ADGRL3: variants seen among roughly 807,000 people sequenced by gnomAD.
The protein encoded by ADGRL3 is adhesion G protein-coupled receptor L3, also known as calcium-independent alpha-latrotoxin receptor 3.
ADGRL3 carries 62 observed loss-of-function variants against 153.5 expected under a neutral mutation model. The ratio of observed to expected loss-of-function variants is 0.40; its 90% CI spans 0.33 to 0.50. The LOEUF (loss-of-function observed/expected upper bound fraction) is 0.50, where lower values mean the gene tolerates loss of function less well. ADGRL3 is among the 20% of genes least tolerant of loss of function. The probability of loss-of-function intolerance (pLI) is 0.47; values close to 1 mark genes in which losing one functional copy is unlikely to be tolerated. For synonymous variants in ADGRL3, 710 were observed against 672.5 expected (o/e 1.06, Z -0.86); for missense variants, 1,641 against 1,859.4 (o/e 0.88, Z 2.16).
At position 61,946,899 on chromosome 4, in the gene ADGRL3, T is replaced by C. The variant is rs755195740; in HGVS notation, c.2420-15T>C. On this transcript the variant is annotated splice_polypyrimidine_tract_variant and intron_variant, in intron 15 of 26. Transcript: ENST00000683033. ...GTAGAGTGGACAAACTAATCAGAGT[T>C]TGCATTTACTTTAGGAGAGATCAGA... 1.3e-6 allele frequency: 2 copies of C among 1,599,274 alleles called. No homozygotes were observed. Among genetic ancestry groups the C allele is most frequent in the Admixed American group, 1.7e-5 (1 of 59,982 alleles).
chr4:61,707,894 C>T (rs1395016468), intron 6 of ADGRL3, among the ~76,000 whole-genome samples: 1 of 152,060 alleles, frequency 6.6e-6, no homozygotes, highest in Non-Finnish European at 1.5e-5. Flanking sequence ...GTGGAGGGCT[C>T]AACTCACCAT....
intron 6 of ADGRL3, among the ~76,000 whole-genome samples, chr4:61,692,958 T>C (rs2095567465): frequency 6.6e-6 from 1 of 152,166 alleles, no homozygotes; most frequent in Admixed American, 6.6e-5. Context: ...GTTTCCTTTT[T>C]AGCAGCTCTT....
intron 9 of ADGRL3, among the ~76,000 whole-genome samples, chr4:61,877,364 TTAGTGG>T (rs940606838): frequency 3.3e-5 from 5 of 152,184 alleles, no homozygotes; most frequent in African/African-American, 1.2e-4. Context: ...GTAGAACAGT[TTAGTGG>T]TTGCCAGGAG....
intron 1 of ADGRL3, among the ~76,000 whole-genome samples, chr4:61,367,143 G>C (rs1044334039): frequency 1.3e-5 from 2 of 152,044 alleles, no homozygotes; most frequent in African/African-American, 2.4e-5. Flanking sequence ...GCTGCTGTCT[G>C]TTAGGAATTT....
chr4:61,319,064 T>G (rs1387341585), intron 1 of ADGRL3, among the ~76,000 whole-genome samples: 3 of 152,164 alleles, frequency 2.0e-5, no homozygotes, highest in Non-Finnish European at 2.9e-5. Flanking sequence ...TGACAACTGG[T>G]GAATGGTGTC....
chr4:61,947,925 T>C (rs12650391), intron 16 of ADGRL3, among the ~76,000 whole-genome samples, 175 bp from the exon 17 acceptor site: 30,679 of 152,146 alleles, frequency 0.2, 3,748 homozygotes, highest in East Asian at 0.43. Flanking sequence ...GAACAAACAA[T>C]AGCATATATT....
intron 9 of ADGRL3, among the ~76,000 whole-genome samples, chr4:61,819,850 G>A (rs1389160167): frequency 2.0e-5 from 3 of 152,074 alleles, no homozygotes; most frequent in Middle Eastern, 3.4e-3. Context: ...AGACAATAAA[G>A]TAATTATTGG....
intron 1 of ADGRL3, among the ~76,000 whole-genome samples, chr4:61,242,508 A>AAAGGGG (rs1356378450): frequency 3.3e-5 from 5 of 151,974 alleles, no homozygotes; most frequent in African/African-American, 1.2e-4. Context: ...GGCCATTTAC[A>AAAGGGG]CTGTTTTAAA....
chr4:61,653,621 T>A (rs1348056502), intron 5 of ADGRL3, among the ~76,000 whole-genome samples: 1 of 152,206 alleles, frequency 6.6e-6, no homozygotes, highest in Non-Finnish European at 1.5e-5. Flanking sequence ...CCACTTCTTT[T>A]GTCCTTTGTA....
In ADGRL3 at chr4:62,076,849, C is replaced by G. The variant is rs1188487681; in HGVS notation, c.*5941C>G. On this transcript the variant is annotated 3_prime_UTR_variant, in exon 27 of 27. Coordinates refer to ENST00000683033, the MANE Select transcript of ADGRL3 (RefSeq NM_001387552.1). ...AGTTAATGCTTTTAGTAGCTTTGTA[C>G]CTTTTAAAGCTCTATTATGAATCTT... 6.6e-6 allele frequency: 1 copy of G among 151,516 alleles called. No homozygotes were observed. The highest frequency in any genetic ancestry group is 1.5e-5 in the Non-Finnish European group (1 of 67,778). 9.4% of individuals were successfully genotyped at this position (151,516 alleles called of 1,614,324 possible).
intron 5 of ADGRL3, among the ~76,000 whole-genome samples, chr4:61,656,872 A>AT (rs2094456038): frequency 1.3e-5 from 2 of 152,004 alleles, no homozygotes; most frequent in South Asian, 4.1e-4. Flanking sequence ...CAGCTGCTTA[A>AT]TTTTTCTCTG....
chr4:61,517,509 G>C lies in ADGRL3; in HGVS notation c.250G>C (p.Ala84Pro). The C allele has an allele frequency of 1.4e-6, 1 of 708,814 alleles. No individual in the cohort carries two copies. The highest frequency in any genetic ancestry group is 2.6e-6 in the Non-Finnish European group (1 of 391,256). 43.9% of individuals were successfully genotyped at this position (708,814 alleles called of 1,614,324 possible). A position where few individuals can be genotyped will look rare whatever the true frequency, so the allele number is the denominator to read the frequency against. Residue 84 changes from alanine to proline, a missense_variant, in exon 4 of 27, where the codon GCA becomes CCA. Ala to Pro is a conservative substitution (Grantham distance 27, BLOSUM62 -1). Around this residue, in one of 5 missense-constraint regions of ADGRL3, gnomAD observed 145 missense variants for 79.1 expected, o/e 1.83. Transcript: ENST00000683033. ...RGPGAQGAQIAAQAFSRAPIP... is the reference protein window; with the variant it reads ...RGPGAQGAQIPAQAFSRAPIP... The stretch of plus-strand genomic sequence containing the variant: ...TCCAGGTGCCCAAGGAGCACAGATT[G>C]CAGCGCAAGGTGCGGCCAGCGGTGG...
In ADGRL3 at chr4:62,073,252, C is replaced by T. The variant is rs1207360817; in HGVS notation, c.*2344C>T. 4 of 152,056 alleles carry T rather than the reference C, an allele frequency of 2.6e-5. No individual in the cohort carries two copies. The highest frequency in any genetic ancestry group is 9.7e-5 in the African/African-American group (4 of 41,420). The allele number at this position is 152,056 out of a possible 1,614,324, so 9.4% of individuals were successfully genotyped here. A position where few individuals can be genotyped will look rare whatever the true frequency, so the allele number is the denominator to read the frequency against. Reference sequence around the variant, plus strand: ...CTGCTGAGCCAGAGTGCATCATAACCTTCACATCACCTCAAAATATTTTAT... The same window carrying T: ...CTGCTGAGCCAGAGTGCATCATAACTTTCACATCACCTCAAAATATTTTAT... On this transcript the variant is annotated 3_prime_UTR_variant, in exon 27 of 27. Transcript: ENST00000683033.
chr4:61,308,553 T>C (rs2094885964), intron 1 of ADGRL3, among the ~76,000 whole-genome samples: 2 of 152,166 alleles, frequency 1.3e-5, no homozygotes, highest in South Asian at 4.1e-4. Context: ...TGCTAGTGTG[T>C]TAACTCAGTC....
At chr4:62,012,719 A>T (rs867028333) in intron 21 of ADGRL3, among the ~76,000 whole-genome samples, 3 of 152,216 alleles carry the variant, frequency 2.0e-5, no homozygotes, top group African/African-American at 7.2e-5. Flanking sequence ...TTGACTGGAT[A>T]GCAATGATCG....
chr4:62,012,746 T>TA (rs954307942), intron 21 of ADGRL3, among the ~76,000 whole-genome samples: 4 of 152,210 alleles, frequency 2.6e-5, no homozygotes, highest in African/African-American at 7.2e-5. Context: ...GCCCTGTGTT[T>TA]AACACCTATG....
At chr4:61,484,005 C>T (rs1248999463) in intron 2 of ADGRL3, among the ~76,000 whole-genome samples, 1 of 151,794 alleles carries the variant, frequency 6.6e-6, no homozygotes, top group Non-Finnish European at 1.5e-5. Flanking sequence ...ATAAATTCTG[C>T]TCATATATTT....
chr4:62,026,540 G>T (rs1404879388), intron 21 of ADGRL3, among the ~76,000 whole-genome samples: 3 of 151,970 alleles, frequency 2.0e-5, no homozygotes, highest in South Asian at 2.1e-4. Flanking sequence ...TCTATTTTTT[G>T]ATATTTCATA....
chr4:61,428,894 C>CATCT (rs5858699), intron 2 of ADGRL3, among the ~76,000 whole-genome samples: 4,735 of 98,090 alleles, frequency 0.048, 86 homozygotes, highest in East Asian at 0.083. Context: ...CTATCTATAT[C>CATCT]ATCTATCTAT....
Sources: gnomAD v4.1 joint callset for allele counts (sites outside exome capture counted in the v4.1 genomes callset) on GRCh38, gnomAD v4.1.1 for gene constraint, gnomAD v4.1.1 regional missense constraint, MANE v1.5 for transcripts, NCBI Gene and HGNC (gene_info 2026-07-23, HGNC 2026-07-21) for gene names.